Variants in TES observed in about 807,000 individuals in gnomAD.
TES encodes testin.
In TES, 41 loss-of-function variants were observed where a neutral mutation model predicts 48.2. That is an observed-to-expected ratio of 0.85 (90% CI 0.66 to 1.10). The LOEUF is 1.10. Ranked by LOEUF, TES falls within the 50% of genes least tolerant of loss-of-function variation. The probability of loss-of-function intolerance (pLI) is 0.00; values close to 1 mark genes in which losing one functional copy is unlikely to be tolerated. For missense variants in TES, 463 were observed against 515.1 expected (o/e 0.90, Z 0.98); for synonymous variants, 162 against 174.9 (o/e 0.93, Z 0.58).
intron 1 of TES, among the ~76,000 whole-genome samples, chr7:116,215,900 A>G (rs1799488514): frequency 6.6e-6 from 1 of 152,158 alleles, no homozygotes; most frequent in Non-Finnish European, 1.5e-5. Flanking sequence ...AAAAACAAAC[A>G]AAAAACCTCT....
intron 1 of TES, among the ~76,000 whole-genome samples, chr7:116,215,289 T>C (rs1422496145): frequency 6.6e-6 from 1 of 152,158 alleles, no homozygotes; most frequent in Non-Finnish European, 1.5e-5. Context: ...ATGATAACTG[T>C]TATAAAAAGA....
intron 1 of TES, among the ~76,000 whole-genome samples, chr7:116,230,031 T>G (rs752356971): frequency 2.6e-5 from 4 of 152,198 alleles, no homozygotes; most frequent in Non-Finnish European, 5.9e-5. Context: ...TAAAATAAAT[T>G]TCTTACTGAA....
chr7:116,248,503 T>G (rs1228500436), intron 2 of TES, among the ~76,000 whole-genome samples: 1 of 152,240 alleles, frequency 6.6e-6, no homozygotes, highest in Non-Finnish European at 1.5e-5. Context: ...AGATGGCATC[T>G]CATCATCGTT....
At chr7:116,213,257 T>A (rs1398880150) in intron 1 of TES, among the ~76,000 whole-genome samples, 2 of 152,230 alleles carry the variant, frequency 1.3e-5, no homozygotes, top group African/African-American at 4.8e-5. Context: ...TCCTTTCTTT[T>A]TGACTCAGTT....
rs553422366 is a variant in TES at position 116,240,373 on chromosome 7, G to A, written c.113+5754G>A. Among the ~76,000 whole-genome samples, 7 of 152,190 alleles carry A rather than the reference G, an allele frequency of 4.6e-5. No homozygotes were observed. The East Asian group carries it at 7.7e-4, about 17-fold the overall frequency. On this transcript the variant is annotated intron_variant, in intron 2 of 6. Transcript: ENST00000358204. ...ATAGTTTCTTGATTTTTTTCAGCTT[G>A]AAAATGTAAATATGTTTATTTGTCT...
In TES at chr7:116,210,576, G is replaced by C. The variant is rs534304866; in HGVS notation, c.-132G>C. 56 of 1,035,720 alleles carry C rather than the reference G, an allele frequency of 5.4e-5. No homozygotes were observed. The highest frequency in any genetic ancestry group is 7.0e-5 in the Non-Finnish European group (56 of 795,066). The allele number at this position is 1,035,720 out of a possible 1,614,324, so 64.2% of individuals were successfully genotyped here. A position where few individuals can be genotyped will look rare whatever the true frequency, so the allele number is the denominator to read the frequency against. On this transcript the variant is annotated 5_prime_UTR_variant, in exon 1 of 7. Coordinates refer to ENST00000358204, the MANE Select transcript of TES (RefSeq NM_015641.4). ...TGGGCGGCGGAAGTTCGACGGCGCC[G>C]GGCGAGTGGCTGTTGAGCGGCGCCG...
Position 116,252,432 on chromosome 7 carries a change from G to T in TES, c.1033G>T (p.Asp345Tyr), listed in dbSNP as rs774742015. The T allele has an allele frequency of 1.2e-6, 2 of 1,614,076 alleles. No individual in the cohort carries two copies. The highest frequency in any genetic ancestry group is 3.3e-5 in the Admixed American group (2 of 60,004). Reference protein sequence around the residue: ...LAGEIYVMVNDKPVCKPCYVK... With the variant: ...LAGEIYVMVNYKPVCKPCYVK... ...TGGGGAGATATACGTGATGGTCAAT[G>T]ACAAGCCCGTGTGCAAGCCCTGCTA... The change falls in exon 6 of 7, where the codon GAC (aspartate) becomes TAC (tyrosine). Residue 345 changes from aspartate to tyrosine, a missense_variant. Asp to Tyr is a radical substitution (Grantham distance 160). Transcript: ENST00000358204.
At chr7:116,232,048 T>C (rs1408142268) in intron 1 of TES, among the ~76,000 whole-genome samples, 4 of 152,334 alleles carry the variant, frequency 2.6e-5, no homozygotes, top group Non-Finnish European at 5.9e-5. Flanking sequence ...AAAGCCTTAG[T>C]GTAAAAACTG....
chr7:116,232,621 T>C (rs1244849337), intron 1 of TES, among the ~76,000 whole-genome samples: 1 of 152,190 alleles, frequency 6.6e-6, no homozygotes, highest in East Asian at 1.9e-4. Flanking sequence ...GTAACTATGC[T>C]TATTACACAA....
intron 6 of TES, among the ~76,000 whole-genome samples, chr7:116,256,781 C>T (rs1182195679): frequency 6.6e-6 from 1 of 152,118 alleles, no homozygotes; most frequent in Non-Finnish European, 1.5e-5. Flanking sequence ...AGTGCAAATT[C>T]ATTTTTCTCA....
intron 1 of TES, among the ~76,000 whole-genome samples, chr7:116,216,624 G>T (rs1305189995): frequency 6.6e-6 from 1 of 151,670 alleles, no homozygotes; most frequent in Non-Finnish European, 1.5e-5. Context: ...AAAGGAGATG[G>T]CATAGTTTAA....
chr7:116,243,485 T>C (rs767211592), intron 2 of TES, among the ~76,000 whole-genome samples: 9 of 152,194 alleles, frequency 5.9e-5, no homozygotes, highest in Non-Finnish European at 1.0e-4. Flanking sequence ...CTTTAACTCA[T>C]ATTCATTATA....
chr7:116,213,280 TTA>T (rs1335136643), intron 1 of TES, among the ~76,000 whole-genome samples: 1 of 152,186 alleles, frequency 6.6e-6, no homozygotes, highest in East Asian at 1.9e-4. Context: ...TCAAGAAAAT[TTA>T]TAGTTTGAAT....
intron 2 of TES, among the ~76,000 whole-genome samples, chr7:116,248,689 G>A (rs1295825408): frequency 1.3e-5 from 2 of 152,126 alleles, no homozygotes; most frequent in Admixed American, 1.3e-4. Context: ...ACCTTTGTCA[G>A]TTGCAGGATT....
At chr7:116,252,854 G>C in intron 6 of TES, 1 of 216,218 alleles carries the variant, frequency 4.6e-6, no homozygotes, top group South Asian at 7.1e-5. Flanking sequence ...GATGCTTTCT[G>C]TTTGTGTTAT....
At position 116,215,965 on chromosome 7, in the gene TES, A is replaced by G. The variant is rs141446586; in HGVS notation, c.27+5231A>G. Among the ~76,000 whole-genome samples, 1,335 of 152,252 alleles carry G rather than the reference A, an allele frequency of 8.8e-3. 8 individuals carry two copies. The highest frequency in any genetic ancestry group is 0.014 in the Non-Finnish European group (956 of 68,004). On this transcript the variant is annotated intron_variant, in intron 1 of 6. Transcript: ENST00000358204. ...AATTTCCCATTCTTCATGCAAAAACATTTCTTATGAAGCTGAGAAGCTGTG... is the reference window on the plus strand; with the variant it reads ...AATTTCCCATTCTTCATGCAAAAACGTTTCTTATGAAGCTGAGAAGCTGTG...
At position 116,238,741 on chromosome 7, in the gene TES, A is replaced by G. The variant is rs1584621074; in HGVS notation, c.113+4122A>G. Among the ~76,000 whole-genome samples, 3 of 152,058 alleles carry G rather than the reference A, an allele frequency of 2.0e-5. No individual in the cohort carries two copies. The East Asian group carries it at 5.8e-4, about 29-fold the overall frequency. ...CTGCCTCCCGAGTATCTGGGATTAC[A>G]GGCGCCCGCCACCACGCCCAGCTAA... On this transcript the variant is annotated intron_variant, in intron 2 of 6. Coordinates refer to ENST00000358204, the MANE Select transcript of TES (RefSeq NM_015641.4).
chr7:116,226,562 T>C (rs1199553227), intron 1 of TES, among the ~76,000 whole-genome samples: 1 of 152,172 alleles, frequency 6.6e-6, no homozygotes, highest in Admixed American at 6.5e-5. Flanking sequence ...AAAAGTGAAA[T>C]TCATTGAACT....
chr7:116,217,568 C>T (rs1250252439), intron 1 of TES, among the ~76,000 whole-genome samples: 2 of 151,842 alleles, frequency 1.3e-5, no homozygotes, highest in African/African-American at 4.8e-5. Flanking sequence ...TGGTGGTATC[C>T]AGAGAAATTA....
Sources: gnomAD v4.1 joint callset for allele counts (sites outside exome capture counted in the v4.1 genomes callset) on GRCh38, gnomAD v4.1.1 for gene constraint, MANE v1.5 for transcripts, NCBI Gene and HGNC (gene_info 2026-07-23, HGNC 2026-07-21) for gene names.